The following EXOC6 variants were observed in gnomAD, a reference collection of about 807,000 sequenced individuals.
EXOC6 encodes SEC15-like 1.
A neutral mutation model predicts 112.5 loss-of-function variants in EXOC6; 60 were observed. That is an observed-to-expected ratio of 0.53 (90% CI 0.43 to 0.66). The LOEUF (loss-of-function observed/expected upper bound fraction) is 0.66, where lower values mean the gene tolerates loss of function less well. EXOC6 is among the 30% of genes least tolerant of loss of function. The pLI, the probability that EXOC6 is intolerant of heterozygous loss-of-function variation, is 0.00. For missense variants in EXOC6, 855 were observed against 957.1 expected, an observed-to-expected ratio of 0.89 and a Z score of 1.41; for synonymous variants, 295 against 308.0, an observed-to-expected ratio of 0.96 and a Z score of 0.44.
intron 19 of EXOC6, among the ~76,000 whole-genome samples, chr10:93,006,480 C>G (rs1335397172): frequency 2.0e-5 from 3 of 152,162 alleles, no homozygotes; most frequent in African/African-American, 7.2e-5. Flanking sequence ...CTAGATACTA[C>G]TTTATATAAA....
intron 17 of EXOC6, among the ~76,000 whole-genome samples, chr10:92,967,297 G>A (rs1004329391): frequency 3.4e-4 from 51 of 152,072 alleles, no homozygotes; most frequent in African/African-American, 1.0e-3. Flanking sequence ...GTGTGATGGT[G>A]TGAATGGTTT....
chr10:92,907,126 G>A (rs1056698997), intron 5 of EXOC6, among the ~76,000 whole-genome samples: 10 of 152,080 alleles, frequency 6.6e-5, no homozygotes, highest in African/African-American at 2.4e-4. Context: ...TAAAAATCAT[G>A]TATTTTACTA....
At chr10:92,863,952 G>C (rs11598985) in intron 1 of EXOC6, among the ~76,000 whole-genome samples, 5 of 143,570 alleles carry the variant, frequency 3.5e-5, no homozygotes, top group Admixed American at 3.5e-4. Flanking sequence ...AAAAAAAAAA[G>C]AAAAAAAACC....
chr10:93,050,872 A>G (rs989460169), intron 20 of EXOC6, among the ~76,000 whole-genome samples: 4 of 151,976 alleles, frequency 2.6e-5, no homozygotes, highest in African/African-American at 9.7e-5. Flanking sequence ...ACTCTGTCTC[A>G]AAACAACAAC....
intron 20 of EXOC6, among the ~76,000 whole-genome samples, chr10:93,055,979 T>C (rs180929493): frequency 6.6e-6 from 1 of 152,290 alleles, no homozygotes; most frequent in Admixed American, 6.5e-5. Context: ...TGCAAATGTT[T>C]CCTCCATTTG....
At chr10:93,026,633 G>A (rs971211401) in intron 20 of EXOC6, among the ~76,000 whole-genome samples, 2 of 152,136 alleles carry the variant, frequency 1.3e-5, no homozygotes, top group Non-Finnish European at 2.9e-5. Flanking sequence ...AATTCTCACA[G>A]TATTTCAAAC....
intron 17 of EXOC6, among the ~76,000 whole-genome samples, chr10:92,962,412 C>T (rs1352799004): frequency 6.6e-6 from 1 of 151,018 alleles, no homozygotes; most frequent in African/African-American, 2.4e-5. Context: ...TTTTTTGAGA[C>T]AGGGTCCCAC....
chr10:92,831,900 G>A (rs1248609605), upstream of EXOC6, among the ~76,000 whole-genome samples: 1 of 152,172 alleles, frequency 6.6e-6, no homozygotes, highest in African/African-American at 2.4e-5. Context: ...TATTCTTCCT[G>A]TAATTCTTCT....
chr10:92,983,062 CA>C, intron 18 of EXOC6, among the ~76,000 whole-genome samples: 1 of 152,276 alleles, frequency 6.6e-6, no homozygotes, highest in East Asian at 1.9e-4. Context: ...GAGAATTCAG[CA>C]CTATCTTGAA....
intron 12 of EXOC6, among the ~76,000 whole-genome samples, chr10:92,936,287 T>G (rs2133960682): frequency 6.6e-6 from 1 of 152,386 alleles, no homozygotes; most frequent in South Asian, 2.1e-4. Flanking sequence ...TGACTAATTG[T>G]ATGCCTGCAG....
intron 20 of EXOC6, among the ~76,000 whole-genome samples, chr10:93,037,337 G>A (rs1363794609): frequency 6.6e-6 from 1 of 151,282 alleles, no homozygotes; most frequent in Non-Finnish European, 1.5e-5. Flanking sequence ...GCAGAGTCTT[G>A]CCATGTTGCC....
At chr10:92,975,104 C>A (rs1589952111) in intron 18 of EXOC6, among the ~76,000 whole-genome samples, 1 of 151,514 alleles carries the variant, frequency 6.6e-6, no homozygotes, top group Admixed American at 6.6e-5. Flanking sequence ...CGGCCACCAT[C>A]CCATCTAGGA....
At chr10:93,020,899 C>T (rs1844754621) in intron 20 of EXOC6, among the ~76,000 whole-genome samples, 1 of 148,904 alleles carries the variant, frequency 6.7e-6, no homozygotes, top group Non-Finnish European at 1.5e-5. Context: ...CTTTGTCTCT[C>T]CCAAAGTACA....
At chr10:92,831,813 G>C (rs74730127), upstream of EXOC6, among the ~76,000 whole-genome samples, 436 of 152,296 alleles carry the variant, frequency 2.9e-3, 2 homozygotes, top group African/African-American at 0.01. Context: ...TGAATAAAGA[G>C]AGAGAGAAAG....
chr10:93,057,181 C>G lies in EXOC6; in HGVS notation c.2282+145C>G, dbSNP rs1307995189. On this transcript the variant is annotated intron_variant, in intron 21 of 21. Transcript: ENST00000260762. ...TCTAGTTTAATGACCAAAAAATAAG[C>G]TTTTCTTTCTTGCCCTTCAGAGTTG... is the stretch of plus-strand genomic sequence containing the variant. 6.2e-6 allele frequency: 3 copies of G among 483,670 alleles called. No individual in the cohort carries two copies. The Admixed American group carries it at 1.3e-4, about 21-fold the overall frequency. The allele number at this position is 483,670 out of a possible 1,614,324, so 30.0% of individuals were successfully genotyped here. A position where few individuals can be genotyped will look rare whatever the true frequency, so the allele number is the denominator to read the frequency against.
At chr10:92,899,325 G>A (rs1349345092) in intron 4 of EXOC6, among the ~76,000 whole-genome samples, 2 of 152,104 alleles carry the variant, frequency 1.3e-5, no homozygotes, top group Non-Finnish European at 2.9e-5. Flanking sequence ...TCAGTTATAC[G>A]TGGTTAGCAT....
intron 18 of EXOC6, among the ~76,000 whole-genome samples, chr10:92,984,827 G>A (rs190385090): frequency 3.3e-5 from 5 of 152,020 alleles, no homozygotes; most frequent in Non-Finnish European, 5.9e-5. Flanking sequence ...GCGAAACCCT[G>A]TCTCTACAAA....
At chr10:93,031,468 G>A (rs1845266957) in intron 20 of EXOC6, among the ~76,000 whole-genome samples, 1 of 150,192 alleles carries the variant, frequency 6.7e-6, no homozygotes, top group African/African-American at 2.4e-5. Context: ...TTAGACAAGA[G>A]TGTAGTCCAT....
intron 6 of EXOC6, among the ~76,000 whole-genome samples, chr10:92,911,932 TGTGTG>T (rs1564823590): frequency 3.4e-4 from 16 of 47,418 alleles, no homozygotes; most frequent in East Asian, 9.5e-3. Flanking sequence ...TCTCTCTCTC[TGTGTG>T]CGTGTGTGTG....
Sources: gnomAD v4.1 joint callset for allele counts (sites outside exome capture counted in the v4.1 genomes callset) on GRCh38, gnomAD v4.1.1 for gene constraint, MANE v1.5 for transcripts, NCBI Gene and HGNC (gene_info 2026-07-23, HGNC 2026-07-21) for gene names.